SEPTIN9: variants seen among roughly 807,000 people sequenced by gnomAD.
SEPTIN9 encodes the protein septin 9.
A neutral mutation model predicts 56.6 loss-of-function variants in SEPTIN9; 13 were observed. The observed-to-expected ratio is 0.23, with a 90% confidence interval of 0.15 to 0.37. The LOEUF (loss-of-function observed/expected upper bound fraction) is 0.37, where lower values mean the gene tolerates loss of function less well. Ranked by LOEUF, SEPTIN9 falls within the 10% of genes least tolerant of loss-of-function variation. The pLI is 1.00. For missense variants in SEPTIN9, 650 were observed against 823.1 expected (o/e 0.79, Z 2.57); for synonymous variants, 332 against 334.1 (o/e 0.99, Z 0.07).
intron 1 of SEPTIN9, among the ~76,000 whole-genome samples, chr17:77,306,775 G>A (rs1056125167): frequency 3.3e-5 from 5 of 152,256 alleles, no homozygotes; most frequent in East Asian, 1.9e-4. Context: ...GTGCAGCCCA[G>A]CTTGGAGTCT....
intron 3 of SEPTIN9, among the ~76,000 whole-genome samples, chr17:77,466,202 C>T (rs546559427): frequency 1.3e-5 from 2 of 152,334 alleles, no homozygotes; most frequent in African/African-American, 4.8e-5. Context: ...CATCTGGGCA[C>T]CCACTGCCCA....
intron 2 of SEPTIN9, among the ~76,000 whole-genome samples, chr17:77,333,994 A>G (rs1032578002): frequency 6.6e-6 from 1 of 152,224 alleles, no homozygotes; most frequent in Non-Finnish European, 1.5e-5. Context: ...AATGCTTGAA[A>G]GAATGAACAC....
At chr17:77,458,294 G>A (rs1012578524) in intron 3 of SEPTIN9, among the ~76,000 whole-genome samples, 1 of 152,196 alleles carries the variant, frequency 6.6e-6, no homozygotes, top group African/African-American at 2.4e-5. Flanking sequence ...CCCAGCCAGG[G>A]CGGGGTCCCA....
chr17:77,319,272 C>T lies in SEPTIN9; in HGVS notation c.76+12075C>T, dbSNP rs2032813830. 1.3e-5 allele frequency among the ~76,000 whole-genome samples: 2 copies of T among 152,222 alleles called. No homozygotes were observed. The highest frequency in any genetic ancestry group is 2.1e-4 in the South Asian group (1 of 4,832). ...CCACCTGCTCTGCTGAGCCCTTGGC[C>T]TCAGCATGGACCCTGACCATGTGCT... On this transcript the variant is annotated intron_variant, in intron 2 of 11. Coordinates refer to ENST00000427177, the MANE Select transcript of SEPTIN9 (RefSeq NM_001113491.2). This position sits in a 1 kb window ranked among gnomAD's most constrained non-coding sequence, Gnocchi z 5.3.
chr17:77,386,308 C>T (rs991635205), intron 2 of SEPTIN9, among the ~76,000 whole-genome samples: 3 of 152,186 alleles, frequency 2.0e-5, no homozygotes, highest in Admixed American at 2.0e-4. Context: ...AGTTTCTGGG[C>T]AGTGGAGGCT....
chr17:77,356,278 G>A (rs1025294249), intron 2 of SEPTIN9, among the ~76,000 whole-genome samples: 1 of 152,166 alleles, frequency 6.6e-6, no homozygotes, highest in African/African-American at 2.4e-5. Context: ...ACCTGGCATG[G>A]CCTCCAGCCC....
chr17:77,344,738 G>A (rs992785145), intron 2 of SEPTIN9, among the ~76,000 whole-genome samples: 20 of 152,202 alleles, frequency 1.3e-4, no homozygotes, highest in African/African-American at 3.6e-4. Context: ...TTGGAAGGCC[G>A]AGGTGGGCAG....
chr17:77,412,253 G>C (rs8069464), intron 3 of SEPTIN9, among the ~76,000 whole-genome samples: 11,020 of 152,098 alleles, frequency 0.072, 1,205 homozygotes, highest in African/African-American at 0.23. Flanking sequence ...GCCCTGTGCA[G>C]TGATGGTCCA....
At position 77,487,840 on chromosome 17, in the gene SEPTIN9, T is replaced by C. The variant is rs572776230; in HGVS notation, c.1042+288T>C. On this transcript the variant is annotated intron_variant, in intron 5 of 11. Coordinates refer to ENST00000427177, the MANE Select transcript of SEPTIN9 (RefSeq NM_001113491.2). This position sits in a 1 kb window ranked among gnomAD's most constrained non-coding sequence, Gnocchi z 4.3. ...CTGGGGATGGGCTGGGGATGTGGGA[T>C]ACCCATGCCTTCCTGGAGCACTGGT... Among the ~76,000 whole-genome samples, 3 of 152,012 alleles carry C rather than the reference T, an allele frequency of 2.0e-5. No homozygotes were observed. Among genetic ancestry groups the C allele is most frequent in the Admixed American group, 6.5e-5 (1 of 15,280 alleles).
At chr17:77,481,207 A>G (rs887416934) in intron 3 of SEPTIN9, among the ~76,000 whole-genome samples, 2 of 152,228 alleles carry the variant, frequency 1.3e-5, no homozygotes, top group African/African-American at 4.8e-5. Flanking sequence ...TCTTAACAGC[A>G]GCCAGGAGCA....
rs1051779983 is a variant in SEPTIN9, at chr17:77,330,212, G to A, written c.76+23015G>A. On this transcript the variant is annotated intron_variant, in intron 2 of 11. Coordinates refer to ENST00000427177, the MANE Select transcript of SEPTIN9 (RefSeq NM_001113491.2). The surrounding 1 kb of genome is among the most constrained non-coding windows in gnomAD (Gnocchi z 4.4). ...TGTGCCGTGGGTGAGAGAGGGCTTC[G>A]GGGGGACTTCCCCCTCTTGGAGCAC... Among the ~76,000 whole-genome samples, 5 of 152,220 alleles carry A rather than the reference G, an allele frequency of 3.3e-5. No individual in the cohort carries two copies. The highest frequency in any genetic ancestry group is 9.6e-5 in the African/African-American group (4 of 41,466).
intron 2 of SEPTIN9, among the ~76,000 whole-genome samples, chr17:77,307,563 G>A (rs72880528): frequency 0.069 from 10,540 of 152,240 alleles, 545 homozygotes; most frequent in African/African-American, 0.14. Flanking sequence ...TGAGCCTCTC[G>A]GTGTTGGTTC....
rs73997467 is a variant in SEPTIN9 at position 77,307,020 on chromosome 17, G to A, written c.20-121G>A. The A allele has an allele frequency of 0.05, 48,450 of 976,054 alleles. 1,561 individuals are homozygous for A. Among genetic ancestry groups the A allele is most frequent in the African/African-American group, 0.12 (7,706 of 62,762 alleles). The allele number at this position is 976,054 out of a possible 1,614,324, so 60.5% of individuals were successfully genotyped here. ...GGGCCTCTGTCCCCAGATGGGCCCCGTTTCTGGCTCTGGAACTCACAGCAG... is the reference window on the plus strand; with the variant it reads ...GGGCCTCTGTCCCCAGATGGGCCCCATTTCTGGCTCTGGAACTCACAGCAG... On this transcript the variant is annotated intron_variant, in intron 1 of 11. Transcript: ENST00000427177.
chr17:77,326,938 G>T lies in SEPTIN9; in HGVS notation c.76+19741G>T, dbSNP rs904310230. The stretch of plus-strand genomic sequence containing the variant: ...ATGAGCATGTGGAGGCTCCTGGAGG[G>T]TGGAGCGCCTGGGGAGCACATGGAA... On this transcript the variant is annotated intron_variant, in intron 2 of 11. Coordinates refer to ENST00000427177, the MANE Select transcript of SEPTIN9 (RefSeq NM_001113491.2). This position sits in a 1 kb window ranked among gnomAD's most constrained non-coding sequence, Gnocchi z 5.1. Among the ~76,000 whole-genome samples, 3 of 152,084 alleles carry T rather than the reference G, an allele frequency of 2.0e-5. No individual in the cohort carries two copies. Among genetic ancestry groups the T allele is most frequent in the African/African-American group, 7.2e-5 (3 of 41,400 alleles).
chr17:77,490,577 C>T lies in SEPTIN9; in HGVS notation c.1263-165C>T, dbSNP rs554009510. On this transcript the variant is annotated intron_variant, in intron 7 of 11. Transcript: ENST00000427177. Reference sequence around the variant, plus strand: ...ACACACCCGTGTCCTTCCTCTGCCCCACACTCACAGCGTGGCCGACTCGGC... The same window carrying T: ...ACACACCCGTGTCCTTCCTCTGCCCTACACTCACAGCGTGGCCGACTCGGC... Among the ~76,000 whole-genome samples, 6 of 152,320 alleles carry T rather than the reference C, an allele frequency of 3.9e-5. No individual in the cohort carries two copies. The South Asian group carries it at 1.2e-3, about 32-fold the overall frequency.
At chr17:77,299,516 C>T (rs2031946310) in intron 1 of SEPTIN9, among the ~76,000 whole-genome samples, 1 of 152,196 alleles carries the variant, frequency 6.6e-6, no homozygotes, top group Non-Finnish European at 1.5e-5. Flanking sequence ...TTACAGTGAG[C>T]CATGATCATG....
At chr17:77,486,364 A>G (rs2039778141) in intron 4 of SEPTIN9, among the ~76,000 whole-genome samples, 1 of 152,008 alleles carries the variant, frequency 6.6e-6, no homozygotes, top group East Asian at 1.9e-4. Flanking sequence ...TCAGCCTCCC[A>G]AAGTGCTGGG....
intron 2 of SEPTIN9, among the ~76,000 whole-genome samples, chr17:77,341,296 T>A (rs556226370): frequency 2.1e-4 from 32 of 152,200 alleles, no homozygotes; most frequent in Non-Finnish European, 4.0e-4. Flanking sequence ...ATTGTAGGGT[T>A]ATTAATTGGC....
intron 4 of SEPTIN9, among the ~76,000 whole-genome samples, chr17:77,485,106 GAT>G (rs2039697300): frequency 6.7e-6 from 1 of 149,904 alleles, no homozygotes; most frequent in African/African-American, 2.5e-5. Flanking sequence ...TGATTGTGGT[GAT>G]GTGGGTGGTG....
Sources: gnomAD v4.1 joint callset for allele counts (sites outside exome capture counted in the v4.1 genomes callset) on GRCh38, gnomAD v4.1.1 for gene constraint, Gnocchi (gnomAD v3.1) non-coding constraint, MANE v1.5 for transcripts, NCBI Gene and HGNC (gene_info 2026-07-23, HGNC 2026-07-21) for gene names.